Variants in MGMT observed in about 807,000 individuals in gnomAD.
MGMT encodes methylated-DNA--protein-cysteine methyltransferase.
A neutral mutation model predicts 15.9 loss-of-function variants in MGMT; 14 were observed. The ratio of observed to expected loss-of-function variants is 0.88; its 90% CI spans 0.58 to 1.37. The LOEUF (loss-of-function observed/expected upper bound fraction) is 1.37. Ranked by LOEUF, MGMT falls within the 40% of genes most tolerant of loss-of-function variation. The pLI is 0.00. For missense variants in MGMT, 282 were observed against 268.1 expected (o/e 1.05, Z -0.36); for synonymous variants, 130 against 118.2 (o/e 1.10, Z -0.65).
chr10:129,707,165 T>C (rs1047281116), intron 2 of MGMT, among the ~76,000 whole-genome samples: 3 of 151,726 alleles, frequency 2.0e-5, no homozygotes, highest in African/African-American at 7.3e-5. Context: ...TAATCCCAGC[T>C]ACTAGGGAAG....
chr10:129,614,296 A>G (rs561206462), intron 2 of MGMT, among the ~76,000 whole-genome samples: 23 of 152,168 alleles, frequency 1.5e-4, no homozygotes, highest in African/African-American at 5.3e-4. Context: ...TTAAAAGCCT[A>G]TTTTCTTAGA....
intron 3 of MGMT, among the ~76,000 whole-genome samples, chr10:129,736,206 G>T (rs1476984673): frequency 6.8e-6 from 1 of 147,234 alleles, no homozygotes; most frequent in Non-Finnish European, 1.5e-5. Context: ...AAGTCTCTTT[G>T]TAGGTCACTC....
intron 2 of MGMT, among the ~76,000 whole-genome samples, chr10:129,622,425 G>T (rs1013321260): frequency 1.3e-5 from 2 of 152,212 alleles, no homozygotes; most frequent in Admixed American, 6.5e-5. Flanking sequence ...ATTGTAAGCT[G>T]TCAGTGGCAT....
At chr10:129,575,107 T>C (rs1228368116) in intron 2 of MGMT, among the ~76,000 whole-genome samples, 1 of 152,078 alleles carries the variant, frequency 6.6e-6, no homozygotes, top group Admixed American at 6.6e-5. Flanking sequence ...ACCCCACCGT[T>C]AACATTAGAC....
At chr10:129,682,573 CATT>C (rs1189364329) in intron 2 of MGMT, among the ~76,000 whole-genome samples, 10 of 151,800 alleles carry the variant, frequency 6.6e-5, no homozygotes, top group Admixed American at 6.6e-4. Context: ...AATCTAAACA[CATT>C]ATAAAATTTC....
chr10:129,476,765 AC>A (rs1187633203), intron 1 of MGMT, among the ~76,000 whole-genome samples: 2 of 151,228 alleles, frequency 1.3e-5, no homozygotes, highest in Non-Finnish European at 3.0e-5. Flanking sequence ...GGGGCCGGGG[AC>A]CCTCCCAACT....
chr10:129,729,956 G>T (rs945318238), intron 3 of MGMT, among the ~76,000 whole-genome samples: 3 of 152,196 alleles, frequency 2.0e-5, no homozygotes, highest in African/African-American at 7.2e-5. Context: ...GTTGATATGA[G>T]GTGTCTGCTG....
intron 2 of MGMT, among the ~76,000 whole-genome samples, chr10:129,548,214 G>T (rs2119782902): frequency 6.6e-6 from 1 of 152,332 alleles, no homozygotes; most frequent in East Asian, 1.9e-4. Flanking sequence ...AAAATGGTGT[G>T]TGTAAGTAGG....
chr10:129,753,233 G>A (rs990981395), intron 3 of MGMT, among the ~76,000 whole-genome samples: 1 of 152,076 alleles, frequency 6.6e-6, no homozygotes, highest in Admixed American at 6.6e-5. Context: ...TGCATTGTTT[G>A]TTTCTAGTGG....
chr10:129,475,033 T>C (rs1000284212), intron 1 of MGMT, among the ~76,000 whole-genome samples: 3 of 151,752 alleles, frequency 2.0e-5, no homozygotes, highest in African/African-American at 7.3e-5. Flanking sequence ...TGGTAAGTGG[T>C]TGAAGATGTT....
intron 2 of MGMT, among the ~76,000 whole-genome samples, chr10:129,593,220 C>T (rs1221329989): frequency 6.6e-6 from 1 of 152,228 alleles, no homozygotes; most frequent in African/African-American, 2.4e-5. Flanking sequence ...GATTTCAGCT[C>T]CTGCGCAGTG....
chr10:129,580,631 T>C (rs1420302246), intron 2 of MGMT, among the ~76,000 whole-genome samples: 1 of 152,212 alleles, frequency 6.6e-6, no homozygotes, highest in Non-Finnish European at 1.5e-5. Context: ...AGCCTGGGCT[T>C]CTGTCTCTAA....
intron 2 of MGMT, among the ~76,000 whole-genome samples, chr10:129,662,167 GGAT>G (rs1847605109): frequency 6.6e-6 from 1 of 152,026 alleles, no homozygotes; most frequent in African/African-American, 2.4e-5. Flanking sequence ...GACAGAACAG[GGAT>G]AATAAAAATT....
chr10:129,550,231 C>G (rs1589861692), intron 2 of MGMT, among the ~76,000 whole-genome samples: 1 of 152,046 alleles, frequency 6.6e-6, no homozygotes, highest in Non-Finnish European at 1.5e-5. Flanking sequence ...GCAGCCATCA[C>G]CGCCGCCCAG....
At chr10:129,502,598 C>T (rs1845585785) in intron 1 of MGMT, among the ~76,000 whole-genome samples, 1 of 151,960 alleles carries the variant, frequency 6.6e-6, no homozygotes, top group Non-Finnish European at 1.5e-5. Context: ...AGTCGTCTCT[C>T]CCTGAGGAAG....
chr10:129,734,213 G>C (rs968269600), intron 3 of MGMT, among the ~76,000 whole-genome samples: 5 of 145,900 alleles, frequency 3.4e-5, no homozygotes, highest in African/African-American at 4.9e-5. Context: ...TCTTCCATTT[G>C]TTTGTATCCT....
rs748040489 is a variant in MGMT at position 129,759,307 on chromosome 10, C to G, written c.380C>G (p.Ala127Gly). Residue 127 changes from alanine to glycine, a missense_variant, in exon 4 of 5, where the codon GCG (alanine) becomes GGG (glycine). By Grantham distance (60) the Ala-to-Gly change is moderately conservative. Transcript: ENST00000651593. ...LAALAGNPKA[A>G]RAVGGAMRGN... ...GCCCTGGCAGGCAACCCCAAAGCCG[C>G]GCGAGCAGTGGGAGGAGCAATGAGA... The G allele has an allele frequency of 2.4e-5, 38 of 1,614,160 alleles. No homozygotes were observed. The highest frequency in any genetic ancestry group is 3.1e-5 in the Non-Finnish European group (37 of 1,180,036).
intron 2 of MGMT, among the ~76,000 whole-genome samples, chr10:129,619,078 CT>C (rs1416423590): frequency 6.6e-6 from 1 of 152,122 alleles, no homozygotes; most frequent in African/African-American, 2.4e-5. Context: ...GGGTGAAGCA[CT>C]CAGTATTTTA....
At chr10:129,633,347 G>A (rs200322606) in intron 2 of MGMT, among the ~76,000 whole-genome samples, 1 of 152,148 alleles carries the variant, frequency 6.6e-6, no homozygotes, top group East Asian at 1.9e-4. Context: ...ATGAGACTGC[G>A]TAGTCAGGGA....
Sources: allele counts gnomAD v4.1 joint callset (sites outside exome capture counted in the v4.1 genomes callset), GRCh38; gene constraint gnomAD v4.1.1; transcripts MANE v1.5; gene names NCBI Gene and HGNC (gene_info 2026-07-23, HGNC 2026-07-21).